Variants in SPINK5 observed in about 807,000 individuals in gnomAD.
SPINK5 encodes the protein serine peptidase inhibitor Kazal type 5, also known as serine protease inhibitor Kazal-type 5.
In SPINK5, 125 loss-of-function variants were observed where a neutral mutation model predicts 151.8. That is an observed-to-expected ratio of 0.82 (90% CI 0.71 to 0.96). SPINK5 has a LOEUF of 0.96. SPINK5 is among the 40% of genes least tolerant of loss of function. SPINK5 has a pLI of 0.00. For missense variants in SPINK5, 1,194 were observed against 1,291.9 expected (o/e 0.92, Z 1.16); for synonymous variants, 374 against 395.3 (o/e 0.95, Z 0.64).
At chr5:148,112,564 T>C (rs1047851881) in intron 19 of SPINK5, among the ~76,000 whole-genome samples, 4 of 152,040 alleles carry the variant, frequency 2.6e-5, no homozygotes, top group African/African-American at 9.7e-5. Context: ...TCCCAGCTAC[T>C]TGGGAGGCTG....
chr5:148,133,972 A>G (rs1754638863), intron 32 of SPINK5, 85 bp downstream of exon 32: 1 of 1,404,862 alleles, frequency 7.1e-7, no homozygotes, highest in African/African-American at 1.4e-5. Flanking sequence ...TGAGTAATGG[A>G]CATTTATCTG....
rs200808369 is a variant in SPINK5, at chr5:148,095,822, C to T, written c.799C>T (p.Gln267Ter). 8 of 1,611,140 alleles carry T rather than the reference C, an allele frequency of 5.0e-6. No homozygotes were observed. Among genetic ancestry groups the T allele is most frequent in the East Asian group, 4.5e-5 (2 of 44,734 alleles). Residue 267 changes from glutamine to a stop codon, truncating the protein, a stop_gained, in exon 10 of 33, where the codon CAG becomes TAG. Transcript: ENST00000256084. LOFTEE classifies it high-confidence loss of function. ...KCALCAEIFK[Q>*]RFSEENSKTD... ...CATTTATTTTACTTTTTCCAGCAAG[C>T]AGCGTTTTTCAGAGGAAAACAGTAA...
chr5:148,112,949 T>C lies in SPINK5; in HGVS notation c.1887+15T>C, dbSNP rs1318734511. ...AAGCTGAAAAGGTAGTAATCCTGAATGTTTATACTGCAATGAAAGGATGAG... is the reference window on the plus strand; with the variant it reads ...AAGCTGAAAAGGTAGTAATCCTGAACGTTTATACTGCAATGAAAGGATGAG... On this transcript the variant is annotated intron_variant, in intron 20 of 32. Transcript: ENST00000256084. 1.2e-6 allele frequency: 2 copies of C among 1,613,444 alleles called. No homozygotes were observed. The highest frequency in any genetic ancestry group is 3.3e-5 in the Admixed American group (2 of 59,958).
chr5:148,099,307 T>A lies in SPINK5; in HGVS notation c.1084T>A (p.Ser362Thr), dbSNP rs375573803. ...RNKRESGKAT[S>T]YAELCSEYRK... ...CAAAAGAGAATCTGGAAAAGCAACC[T>A]CATATGCAGTGAGTGGAATCCATCC... The change falls in exon 12 of 33, where the codon TCA (serine) becomes ACA (threonine). Residue 362 changes from serine (S) to threonine (T), a missense_variant. Coordinates refer to ENST00000256084, the MANE Select transcript of SPINK5 (RefSeq NM_006846.4). 22 of 1,611,954 alleles carry A rather than the reference T, an allele frequency of 1.4e-5. No homozygotes were observed. In the African/African-American group the frequency reaches 2.9e-4, roughly 22 times the overall value.
At chr5:148,135,872 GTACATAATACTTTCTATTA>G (rs2113246919) in intron 32 of SPINK5, among the ~76,000 whole-genome samples, 1 of 152,246 alleles carries the variant, frequency 6.6e-6, no homozygotes, top group African/African-American at 2.4e-5. Flanking sequence ...TTGTTACTAA[GTACATAATACTTTCTATTA>G]TGCAATAACT....
In SPINK5 at chr5:148,115,132, A is replaced by G. The variant is rs77690116; in HGVS notation, c.2015+643A>G. ...CTGTGGTATGTTACAGTACTTCAAG[A>G]AAGGGATAATTAATAGAAAGTTTTA... is the stretch of plus-strand genomic sequence containing the variant. On this transcript the variant is annotated intron_variant, in intron 21 of 32. Transcript: ENST00000256084. Among the ~76,000 whole-genome samples the G allele has an allele frequency of 4.0e-3, 609 of 152,338 alleles. 6 individuals are homozygous for G. Among genetic ancestry groups the G allele is most frequent in the African/African-American group, 0.014 (577 of 41,578 alleles).
At chr5:148,116,260 G>C in intron 21 of SPINK5, 110 bp from the exon 22 acceptor site, 1 of 1,106,806 alleles carries the variant, frequency 9.0e-7, no homozygotes. Context: ...TTAACTCAAT[G>C]CTCGATAATT....
chr5:148,104,987 G>C lies in SPINK5; in HGVS notation c.1466G>C (p.Arg489Thr). Residue 489 changes from arginine (R) to threonine (T), a missense_variant, in exon 16 of 33, where the codon AGA (arginine) becomes ACA (threonine). Physicochemically the swap from Arg to Thr is moderately conservative, Grantham distance 71. Coordinates refer to ENST00000256084, the MANE Select transcript of SPINK5 (RefSeq NM_006846.4). ...GAAAGAGCAAGAGCAAAGGCTAAAA[G>C]AGAAGCTGCAAAGGTAATATTCTCA... The part of the protein sequence containing the change: ...QEERARAKAK[R>T]EAAKEICSEF... 1 of 1,613,990 alleles carries C rather than the reference G, an allele frequency of 6.2e-7. No homozygotes were observed. The highest frequency in any genetic ancestry group is 8.5e-7 in the Non-Finnish European group (1 of 1,179,906).
chr5:148,107,707 A>G (rs1753818438), intron 17 of SPINK5, among the ~76,000 whole-genome samples: 1 of 152,210 alleles, frequency 6.6e-6, no homozygotes, highest in African/African-American at 2.4e-5. Flanking sequence ...AAACAGGCTC[A>G]TACCCTAAAT....
At chr5:148,114,768 T>C (rs1157332642) in intron 21 of SPINK5, among the ~76,000 whole-genome samples, 2 of 152,208 alleles carry the variant, frequency 1.3e-5, no homozygotes, top group Admixed American at 1.3e-4. Context: ...TTATTTGCTA[T>C]CAAGTGGATC....
chr5:148,076,133 G>T (rs938687167), intron 4 of SPINK5, among the ~76,000 whole-genome samples: 1 of 151,722 alleles, frequency 6.6e-6, no homozygotes, highest in African/African-American at 2.4e-5. Context: ...ATGCAAAAGT[G>T]GCCTGAACTT....
chr5:148,083,447 A>G (rs867094382), intron 4 of SPINK5, among the ~76,000 whole-genome samples: 90 of 151,384 alleles, frequency 5.9e-4, no homozygotes, highest in Admixed American at 4.2e-3. Context: ...TGGTTCTTTC[A>G]TTTTTAAAAT....
At chr5:148,131,773 T>G (rs988630636) in intron 31 of SPINK5, among the ~76,000 whole-genome samples, 1 of 152,178 alleles carries the variant, frequency 6.6e-6, no homozygotes, top group Non-Finnish European at 1.5e-5. Context: ...CAGTGTATTA[T>G]ATCTAAAAGG....
intron 9 of SPINK5, 22 bp downstream of exon 9, chr5:148,094,503 T>G: frequency 1.9e-6 from 3 of 1,611,770 alleles, no homozygotes; most frequent in Non-Finnish European, 2.5e-6. Context: ...AGTGGTTTTT[T>G]CAGAGTGATT....
At position 148,123,445 on chromosome 5, in the gene SPINK5, C is replaced by CTATATATATA. The variant is rs201986132; in HGVS notation, c.2539-387_2539-378dup. The stretch of plus-strand genomic sequence containing the variant: ...ATATAGATATATATTATCTATCTAT[C>CTATATATATA]TATATATATAATCTTGTTATATATA... On this transcript the variant is annotated intron_variant, in intron 26 of 32. Coordinates refer to ENST00000256084, the MANE Select transcript of SPINK5 (RefSeq NM_006846.4). Among the ~76,000 whole-genome samples the CTATATATATA allele has an allele frequency of 5.8e-3, 762 of 130,308 alleles. 12 individuals carry two copies. Among genetic ancestry groups the CTATATATATA allele is most frequent in the South Asian group, 0.011 (46 of 4,096 alleles). The allele number at this position is 130,308 out of a possible 152,430, so 85.5% of individuals were successfully genotyped here. A position where few individuals can be genotyped will look rare whatever the true frequency, so the allele number is the denominator to read the frequency against.
intron 32 of SPINK5, among the ~76,000 whole-genome samples, chr5:148,136,662 C>A (rs1754701564): frequency 6.6e-6 from 1 of 152,164 alleles, no homozygotes; most frequent in Non-Finnish European, 1.5e-5. Context: ...TACTAAACTT[C>A]TCTGAAGCTC....
intron 22 of SPINK5, among the ~76,000 whole-genome samples, chr5:148,117,815 C>A (rs929965525): frequency 6.6e-6 from 1 of 152,172 alleles, no homozygotes. Flanking sequence ...ATCCTGGAAC[C>A]AATCCCCCAA....
Position 148,086,437 on chromosome 5 carries a change from A to G in SPINK5, c.315A>G (p.Arg105=). The change falls in exon 5 of 33, where the codon AGA becomes AGG. Residue 105 remains arginine, a synonymous_variant. Coordinates refer to ENST00000256084, the MANE Select transcript of SPINK5 (RefSeq NM_006846.4). ...GTGATGATTTTAAAAAAGGAGAAAGAGATGGGGATTTTATCTGTCCTGATT... is the reference window on the plus strand; with the variant it reads ...GTGATGATTTTAAAAAAGGAGAAAGGGATGGGGATTTTATCTGTCCTGATT... The part of the protein sequence containing the change: ...LNCDDFKKGE[R]DGDFICPDYY... 6.2e-7 allele frequency: 1 copy of G among 1,611,728 alleles called. No individual in the cohort carries two copies. Among genetic ancestry groups the G allele is most frequent in the South Asian group, 1.1e-5 (1 of 91,020 alleles).
At chr5:148,077,532 G>A (rs1752914933) in intron 4 of SPINK5, among the ~76,000 whole-genome samples, 1 of 150,410 alleles carries the variant, frequency 6.6e-6, no homozygotes, top group Admixed American at 6.7e-5. Flanking sequence ...CCTACAGACA[G>A]AAATGAAAAG....
Sources: allele counts gnomAD v4.1 joint callset (sites outside exome capture counted in the v4.1 genomes callset), GRCh38; gene constraint gnomAD v4.1.1; transcripts MANE v1.5; gene names NCBI Gene and HGNC (gene_info 2026-07-23, HGNC 2026-07-21).